ME1: variants seen among roughly 807,000 people sequenced by gnomAD.
The protein encoded by ME1 is malic enzyme 1, also known as NADP-dependent malic enzyme.
ME1 carries 74 observed loss-of-function variants against 66.4 expected under a neutral mutation model. The ratio of observed to expected loss-of-function variants is 1.11; its 90% confidence interval spans 0.92 to 1.35. The LOEUF is 1.35. ME1 is among the 40% of genes most tolerant of loss of function. The probability of loss-of-function intolerance (pLI) is 0.00; values close to 1 mark genes in which losing one functional copy is unlikely to be tolerated. For synonymous variants in ME1, 251 were observed against 235.6 expected, an observed-to-expected ratio of 1.07 and a Z score of -0.60; for missense variants, 750 against 694.1, an observed-to-expected ratio of 1.08 and a Z score of -0.90.
intron 6 of ME1, among the ~76,000 whole-genome samples, chr6:83,313,619 A>G (rs1767969786): frequency 6.6e-6 from 1 of 152,136 alleles, no homozygotes; most frequent in African/African-American, 2.4e-5. Flanking sequence ...TTCCTCTTAT[A>G]TAGCCTTACG....
intron 6 of ME1, among the ~76,000 whole-genome samples, chr6:83,260,888 G>T (rs1300403414): frequency 6.6e-6 from 1 of 150,986 alleles, no homozygotes; most frequent in Non-Finnish European, 1.5e-5. Flanking sequence ...CCATGTCTTT[G>T]CTATTGTGAG....
intron 3 of ME1, among the ~76,000 whole-genome samples, chr6:83,369,835 T>C (rs1281965172): frequency 1.3e-5 from 2 of 152,122 alleles, no homozygotes; most frequent in Admixed American, 1.3e-4. Context: ...CAAAGTCCTA[T>C]ATATTTCCAA....
chr6:83,227,737 T>C (rs184133587), intron 10 of ME1, among the ~76,000 whole-genome samples: 1 of 152,222 alleles, frequency 6.6e-6, no homozygotes, highest in Admixed American at 6.5e-5. Flanking sequence ...CATAGTACAT[T>C]GAGTTAGTTA....
intron 7 of ME1, among the ~76,000 whole-genome samples, chr6:83,250,862 A>C (rs925901295): frequency 6.6e-6 from 1 of 152,226 alleles, no homozygotes; most frequent in South Asian, 2.1e-4. Context: ...CAATATAGTA[A>C]ATATTTTAGG....
chr6:83,403,461 A>G, intron 2 of ME1, among the ~76,000 whole-genome samples: 1 of 152,178 alleles, frequency 6.6e-6, no homozygotes, highest in Non-Finnish European at 1.5e-5. Flanking sequence ...GGAAAGGGAA[A>G]GGCAGCTTTC....
At chr6:83,236,034 C>T (rs1166850948) in intron 9 of ME1, among the ~76,000 whole-genome samples, 1 of 151,862 alleles carries the variant, frequency 6.6e-6, no homozygotes, top group Non-Finnish European at 1.5e-5. Context: ...TCATATACAA[C>T]TGTATTTTAA....
intron 6 of ME1, among the ~76,000 whole-genome samples, chr6:83,264,390 C>T (rs1310631744): frequency 6.6e-6 from 1 of 152,078 alleles, no homozygotes; most frequent in African/African-American, 2.4e-5. Context: ...TTCTGCAGCC[C>T]ATACATAGAG....
intron 6 of ME1, among the ~76,000 whole-genome samples, chr6:83,267,076 A>G (rs1455591780): frequency 1.3e-5 from 2 of 152,196 alleles, no homozygotes; most frequent in African/African-American, 4.8e-5. Flanking sequence ...TTTATCTTTT[A>G]GGAAGGGTAA....
chr6:83,247,496 T>C (rs1481647940), intron 7 of ME1, among the ~76,000 whole-genome samples: 2 of 152,010 alleles, frequency 1.3e-5, no homozygotes, highest in Non-Finnish European at 2.9e-5. Context: ...TCAAATACTT[T>C]TCATAAATCA....
chr6:83,257,580 T>C (rs1187092179), intron 6 of ME1, among the ~76,000 whole-genome samples: 4 of 152,166 alleles, frequency 2.6e-5, no homozygotes, highest in African/African-American at 7.2e-5. Flanking sequence ...ACGTAAACTT[T>C]TTCTACTCCT....
intron 3 of ME1, among the ~76,000 whole-genome samples, chr6:83,353,081 G>T (rs1346426748): frequency 6.6e-6 from 1 of 152,084 alleles, no homozygotes; most frequent in Admixed American, 6.6e-5. Context: ...TGTTTAATTT[G>T]TCTGGTAGAG....
chr6:83,413,292 C>A (rs1007648022), intron 1 of ME1, among the ~76,000 whole-genome samples: 5 of 152,168 alleles, frequency 3.3e-5, no homozygotes, highest in African/African-American at 9.7e-5. Context: ...GATTATTACA[C>A]AATCAAATTA....
At chr6:83,280,930 T>C (rs1767276301) in intron 6 of ME1, among the ~76,000 whole-genome samples, 1 of 152,194 alleles carries the variant, frequency 6.6e-6, no homozygotes, top group East Asian at 1.9e-4. Flanking sequence ...GGGAGAATAT[T>C]TAATCCCTGT....
intron 6 of ME1, among the ~76,000 whole-genome samples, chr6:83,281,351 C>A (rs1284414159): frequency 6.6e-6 from 1 of 152,140 alleles, no homozygotes; most frequent in Non-Finnish European, 1.5e-5. Flanking sequence ...ACTACTAAAC[C>A]ATTCGTTCTA....
chr6:83,349,006 A>AAAAAAAAAAAAAAAC (rs1562487151), intron 4 of ME1, among the ~76,000 whole-genome samples: 1 of 148,026 alleles, frequency 6.8e-6, no homozygotes, highest in African/African-American at 2.5e-5. Context: ...AAAAAACAAA[A>AAAAAAAAAAAAAAAC]AACAAAAAAC....
At position 83,223,752 on chromosome 6, in the gene ME1, T is replaced by A. The variant is rs751747757; in HGVS notation, c.1449+8A>T. Reference sequence around the variant, plus strand: ...AACCCTTGGTAAACTTAGAGGATTTTACAATACCTCAGCAGTAGTGAGGAA... The same window carrying A: ...AACCCTTGGTAAACTTAGAGGATTTAACAATACCTCAGCAGTAGTGAGGAA... On this transcript the variant is annotated splice_region_variant and intron_variant, in intron 12 of 13. Transcript: ENST00000369705. 6.2e-7 allele frequency: 1 copy of A among 1,612,484 alleles called. No homozygotes were observed. The highest frequency in any genetic ancestry group is 1.1e-5 in the South Asian group (1 of 90,954).
intron 8 of ME1, among the ~76,000 whole-genome samples, chr6:83,238,903 C>T (rs1332937795): frequency 6.6e-6 from 1 of 150,700 alleles, no homozygotes; most frequent in Non-Finnish European, 1.5e-5. Context: ...TCAAACTCAA[C>T]TAACATTTTA....
At chr6:83,297,029 T>C (rs1767610529) in intron 6 of ME1, among the ~76,000 whole-genome samples, 1 of 152,318 alleles carries the variant, frequency 6.6e-6, no homozygotes, top group African/African-American at 2.4e-5. Flanking sequence ...CTCAGAGGAA[T>C]AAACTTCTCA....
At chr6:83,325,499 T>C (rs1405843538) in intron 5 of ME1, among the ~76,000 whole-genome samples, 1 of 152,216 alleles carries the variant, frequency 6.6e-6, no homozygotes, top group Non-Finnish European at 1.5e-5. Flanking sequence ...CTTAAGCTGA[T>C]AGGCAACTTC....
Sources: allele counts gnomAD v4.1 joint callset (sites outside exome capture counted in the v4.1 genomes callset), GRCh38; gene constraint gnomAD v4.1.1; transcripts MANE v1.5; gene names NCBI Gene and HGNC (gene_info 2026-07-23, HGNC 2026-07-21).